The following PKHD1 variants were observed in gnomAD, a reference collection of about 807,000 sequenced individuals.
PKHD1 encodes fibrocystin.
A neutral mutation model predicts 412.0 loss-of-function variants in PKHD1; 291 were observed. The ratio of observed to expected loss-of-function variants is 0.71; its 90% CI spans 0.64 to 0.78. PKHD1 has a LOEUF of 0.78. PKHD1 is among the 30% of genes least tolerant of loss of function. The pLI is 0.00. For synonymous variants in PKHD1, 1,777 were observed against 1,821.5 expected (o/e 0.98, Z 0.62); for missense variants, 4,825 against 4,950.7 (o/e 0.97, Z 0.76).
intron 43 of PKHD1, among the ~76,000 whole-genome samples, chr6:51,896,096 C>T (rs916744084): frequency 2.6e-5 from 4 of 152,126 alleles, no homozygotes; most frequent in Admixed American, 6.5e-5. Flanking sequence ...GGAGGAGGGG[C>T]GCCCACCATT....
chr6:51,928,611 T>G (rs1305909749), intron 37 of PKHD1, among the ~76,000 whole-genome samples: 2 of 144,562 alleles, frequency 1.4e-5, no homozygotes, highest in African/African-American at 2.5e-5. Context: ...GTCCTTAGTC[T>G]GCTAAGTAAC....
chr6:52,049,985 C>T (rs1299641926), intron 22 of PKHD1, among the ~76,000 whole-genome samples, 172 bp downstream of exon 22: 11 of 152,192 alleles, frequency 7.2e-5, no homozygotes, highest in African/African-American at 2.4e-4. Context: ...ACAGTAGGCC[C>T]AGTAATTTTA....
At chr6:51,683,619 A>G (rs1777006350) in intron 60 of PKHD1, among the ~76,000 whole-genome samples, 1 of 152,092 alleles carries the variant, frequency 6.6e-6, no homozygotes, top group Non-Finnish European at 1.5e-5. Context: ...GATGTATGGC[A>G]TAGACTCAGG....
At chr6:51,811,940 A>T (rs1764742401) in intron 52 of PKHD1, among the ~76,000 whole-genome samples, 1 of 152,186 alleles carries the variant, frequency 6.6e-6, no homozygotes, top group South Asian at 2.1e-4. Context: ...TATGTTTAAA[A>T]TTTTTTAAAG....
At chr6:51,667,571 T>C (rs1210222969) in intron 60 of PKHD1, among the ~76,000 whole-genome samples, 1 of 152,158 alleles carries the variant, frequency 6.6e-6, no homozygotes, top group Non-Finnish European at 1.5e-5. Flanking sequence ...TTGTCCATTT[T>C]GCCTTTTGTT....
intron 37 of PKHD1, among the ~76,000 whole-genome samples, chr6:51,931,919 TAAAGAAG>T (rs1044116129): frequency 8.2e-6 from 1 of 122,522 alleles, no homozygotes; most frequent in African/African-American, 3.2e-5. Context: ...AGAAGGAGAA[TAAAGAAG>T]AAAGAGGGAG....
intron 66 of PKHD1, among the ~76,000 whole-genome samples, chr6:51,622,128 CT>C (rs2150253020): frequency 6.6e-6 from 1 of 152,288 alleles, no homozygotes; most frequent in East Asian, 1.9e-4. Context: ...GGAGGACTCA[CT>C]GGTTCTGGGT....
intron 55 of PKHD1, 75 bp downstream of exon 55, chr6:51,772,627 A>G: frequency 2.7e-6 from 2 of 736,496 alleles, no homozygotes; most frequent in South Asian, 3.4e-5. Flanking sequence ...TCAGTTTCAT[A>G]TTGTAACAAA....
intron 35 of PKHD1, among the ~76,000 whole-genome samples, chr6:52,002,418 CTG>C (rs1165736772): frequency 1.3e-5 from 2 of 152,226 alleles, no homozygotes; most frequent in South Asian, 4.1e-4. Flanking sequence ...AGATGTGAAA[CTG>C]TCTGCCTTTC....
chr6:51,972,003 A>G (rs1357122968), intron 35 of PKHD1, among the ~76,000 whole-genome samples: 1 of 152,106 alleles, frequency 6.6e-6, no homozygotes, highest in Non-Finnish European at 1.5e-5. Context: ...AAGTGCTGGG[A>G]TTACAGGTGT....
chr6:51,656,163 A>G (rs986360047), intron 61 of PKHD1, among the ~76,000 whole-genome samples: 1 of 152,218 alleles, frequency 6.6e-6, no homozygotes, highest in African/African-American at 2.4e-5. Flanking sequence ...ATGCAGTCAT[A>G]AAAAAGAATC....
chr6:51,805,973 G>A (rs542491354), intron 52 of PKHD1, among the ~76,000 whole-genome samples: 1 of 150,314 alleles, frequency 6.7e-6, no homozygotes, highest in Non-Finnish European at 1.5e-5. Flanking sequence ...CTGTATAGCA[G>A]CATGATTTAT....
chr6:51,748,308 C>T lies in PKHD1; in HGVS notation c.9308G>A (p.Gly3103Asp), dbSNP rs753264751. ...GNVVAGSERL[G>D]FHIRGHKCSS... is the part of the protein sequence containing the mutation. ...GCACTTGTGGCCTCGGATGTGAAAGCCAAGTCTCTCTGATCCTGCCACAAC... is the reference window on the plus strand; with the variant it reads ...GCACTTGTGGCCTCGGATGTGAAAGTCAAGTCTCTCTGATCCTGCCACAAC... The change falls in exon 58 of 67, where the codon GGC (glycine) becomes GAC (aspartate). Residue 3103 changes from glycine (G) to aspartate (D), a missense_variant. Coordinates refer to ENST00000371117, the MANE Select transcript of PKHD1 (RefSeq NM_138694.4). The T allele has an allele frequency of 2.0e-5, 33 of 1,613,920 alleles. No homozygotes were observed. Among genetic ancestry groups the T allele is most frequent in the Non-Finnish European group, 2.7e-5 (32 of 1,179,978 alleles).
Position 51,748,320 on chromosome 6 carries a change from G to T in PKHD1, c.9296C>A (p.Ser3099Ter), listed in dbSNP as rs757946548. The T allele has an allele frequency of 2.5e-6, 4 of 1,613,916 alleles. No individual in the cohort carries two copies. Among genetic ancestry groups the T allele is most frequent in the Non-Finnish European group, 3.4e-6 (4 of 1,179,972 alleles). ...TCGGATGTGAAAGCCAAGTCTCTCT[G>T]ATCCTGCCACAACGTTGCCATGGAG... ...INLHGNVVAG[S>*]ERLGFHIRGH... Residue 3099 changes from serine to a stop codon, truncating the protein, a stop_gained, in exon 58 of 67, where the codon TCA becomes TAA. Transcript: ENST00000371117. LOFTEE classifies it high-confidence loss of function.
In PKHD1 at chr6:52,053,114, T is replaced by C. The variant is rs752802882; in HGVS notation, c.2102A>G (p.Tyr701Cys). 1.5e-5 allele frequency: 25 copies of C among 1,614,026 alleles called. No individual in the cohort carries two copies. Among genetic ancestry groups the C allele is most frequent in the Non-Finnish European group, 1.9e-5 (23 of 1,180,006 alleles). Reference protein sequence around the residue: ...LPLAQETGLFYVDEIIIADTN... With the variant: ...LPLAQETGLFCVDEIIIADTN... ...GTCTGCAATAATAATTTCATCCACA[T>C]AGAACAGGCCCGTCTCCTGGGCCAG... The change falls in exon 21 of 67, where the codon TAT (tyrosine) becomes TGT (cysteine). Residue 701 changes from tyrosine (Y) to cysteine (C), a missense_variant. Transcript: ENST00000371117.
chr6:51,986,187 T>C (rs1054119528), intron 35 of PKHD1, among the ~76,000 whole-genome samples: 13 of 152,350 alleles, frequency 8.5e-5, no homozygotes, highest in African/African-American at 3.1e-4. Flanking sequence ...AGAAATGCCA[T>C]ATTCAGACCT....
chr6:52,070,865 T>A (rs1810506329), intron 9 of PKHD1, 141 bp downstream of exon 9: 1 of 693,486 alleles, frequency 1.4e-6, no homozygotes, highest in Non-Finnish European at 2.6e-6. Flanking sequence ...CATATAGTAG[T>A]ATTTTCCAGG....
intron 35 of PKHD1, among the ~76,000 whole-genome samples, chr6:52,003,021 T>C (rs1798625544): frequency 6.6e-6 from 1 of 152,160 alleles, no homozygotes; most frequent in African/African-American, 2.4e-5. Flanking sequence ...GAGAGTGTAA[T>C]GTCTATTTGG....
chr6:51,989,915 G>GGAAGGAAA (rs1796721533), intron 35 of PKHD1, among the ~76,000 whole-genome samples: 1 of 87,636 alleles, frequency 1.1e-5, no homozygotes, highest in South Asian at 5.0e-4. Flanking sequence ...AAGGAAGGAA[G>GGAAGGAAA]GAAGGAAGGA....
Sources: allele counts gnomAD v4.1 joint callset (sites outside exome capture counted in the v4.1 genomes callset), GRCh38; gene constraint gnomAD v4.1.1; transcripts MANE v1.5; gene names NCBI Gene and HGNC (gene_info 2026-07-23, HGNC 2026-07-21).